PTPRD: variants seen among roughly 807,000 people sequenced by gnomAD.
PTPRD encodes protein tyrosine phosphatase receptor type D, also known as receptor-type tyrosine-protein phosphatase delta.
Under a neutral mutation model 214.5 loss-of-function variants are expected in PTPRD, and 34 were observed. The ratio of observed to expected loss-of-function variants is 0.16; its 90% CI spans 0.12 to 0.21. PTPRD has a LOEUF of 0.21. Ranked by LOEUF, PTPRD falls within the 10% of genes least tolerant of loss-of-function variation. PTPRD has a pLI of 1.00. For synonymous variants in PTPRD, 1,128 were observed against 845.7 expected, an observed-to-expected ratio of 1.33 and a Z score of -5.79; for missense variants, 2,545 against 2,398.7, an observed-to-expected ratio of 1.06 and a Z score of -1.27.
chr9:10,588,820 C>T (rs927113550), intron 2 of PTPRD, among the ~76,000 whole-genome samples: 1 of 151,844 alleles, frequency 6.6e-6, no homozygotes, highest in Non-Finnish European at 1.5e-5. Context: ...AATTGTATAC[C>T]CTACTTCAAC....
intron 9 of PTPRD, among the ~76,000 whole-genome samples, chr9:9,235,142 A>G (rs1397677138): frequency 6.6e-6 from 1 of 152,164 alleles, no homozygotes; most frequent in Non-Finnish European, 1.5e-5. Flanking sequence ...GGGTGGCGGG[A>G]GACAGAATGA....
chr9:8,540,138 G>C (rs145660264), intron 14 of PTPRD, among the ~76,000 whole-genome samples: 56 of 152,028 alleles, frequency 3.7e-4, no homozygotes, highest in African/African-American at 1.3e-3. Flanking sequence ...ATAAGATTGG[G>C]ATCATTTCAA....
In PTPRD at chr9:8,597,293, G is replaced by C. The variant is rs188010934; in HGVS notation, c.352+36024C>G. On this transcript the variant is annotated intron_variant, in intron 14 of 45. Coordinates refer to ENST00000381196, the MANE Select transcript of PTPRD (RefSeq NM_002839.4). ...GAAATGAGACAAAATATCAAGACAA[G>C]AATAAGATTGAAATATATAAATTTC... 2.1e-3 allele frequency among the ~76,000 whole-genome samples: 321 copies of C among 152,034 alleles called. 4 individuals are homozygous for C. Among genetic ancestry groups the C allele is most frequent in the Non-Finnish European group, 3.2e-3 (220 of 67,870 alleles).
chr9:9,903,062 T>C (rs1447142363), intron 5 of PTPRD, among the ~76,000 whole-genome samples: 1 of 135,440 alleles, frequency 7.4e-6, no homozygotes, highest in Non-Finnish European at 1.6e-5. Flanking sequence ...TATGTATATG[T>C]GTATTTGAGC....
chr9:9,138,872 A>T (rs2099855304), intron 10 of PTPRD, among the ~76,000 whole-genome samples: 2 of 152,180 alleles, frequency 1.3e-5, no homozygotes, highest in African/African-American at 4.8e-5. Flanking sequence ...ATTCTAGGCT[A>T]AAATTACAGT....
Position 8,874,205 on chromosome 9 carries a change from T to G in PTPRD, c.-103-140259A>C, listed in dbSNP as rs372384454. ...CGGTAATGAAACTGATGGCCCATGGTTCAGTGACTTGCCCATAACTTGCAT... is the reference window on the plus strand; with the variant it reads ...CGGTAATGAAACTGATGGCCCATGGGTCAGTGACTTGCCCATAACTTGCAT... On this transcript the variant is annotated intron_variant, in intron 11 of 45. Transcript: ENST00000381196. Among the ~76,000 whole-genome samples the G allele has an allele frequency of 2.0e-5, 3 of 152,320 alleles. No homozygotes were observed. In the East Asian group the frequency reaches 5.8e-4, roughly 29 times the overall value.
chr9:8,887,835 T>G (rs2098504371), intron 11 of PTPRD, among the ~76,000 whole-genome samples: 1 of 152,208 alleles, frequency 6.6e-6, no homozygotes, highest in African/African-American at 2.4e-5. Flanking sequence ...CTATGATTAT[T>G]TCCCCGCCAC....
intron 11 of PTPRD, among the ~76,000 whole-genome samples, chr9:8,993,622 A>T (rs1341672689): frequency 6.6e-6 from 1 of 152,126 alleles, no homozygotes; most frequent in African/African-American, 2.4e-5. Flanking sequence ...TAAGATGATT[A>T]TATTTTTCCT....
intron 7 of PTPRD, among the ~76,000 whole-genome samples, chr9:9,635,768 A>C (rs2095746196): frequency 6.6e-6 from 1 of 152,112 alleles, no homozygotes; most frequent in Non-Finnish European, 1.5e-5. Flanking sequence ...TGCTTCCTAA[A>C]ACACTCATGC....
At chr9:9,020,638 A>C (rs12378172) in intron 10 of PTPRD, among the ~76,000 whole-genome samples, 8,616 of 152,246 alleles carry the variant, frequency 0.057, 272 homozygotes, top group South Asian at 0.087. Context: ...GAATACAAGA[A>C]TTCCATTTTG....
chr9:9,077,415 T>C (rs1480022324), intron 10 of PTPRD, among the ~76,000 whole-genome samples: 3 of 144,684 alleles, frequency 2.1e-5, no homozygotes, highest in Non-Finnish European at 4.6e-5. Flanking sequence ...ATGGATCTAT[T>C]TCCTAATGTA....
chr9:9,160,473 C>A (rs1199653580), intron 10 of PTPRD, among the ~76,000 whole-genome samples: 1 of 151,974 alleles, frequency 6.6e-6, no homozygotes, highest in Non-Finnish European at 1.5e-5. Flanking sequence ...AAAATTAAAA[C>A]CAAATGAGAT....
intron 8 of PTPRD, among the ~76,000 whole-genome samples, chr9:9,452,755 A>G (rs2145367097): frequency 6.6e-6 from 1 of 151,526 alleles, no homozygotes; most frequent in South Asian, 2.1e-4. Flanking sequence ...TGAAGTTCAC[A>G]TATCCCTAAA....
chr9:9,632,775 T>C (rs1263731292), intron 7 of PTPRD, among the ~76,000 whole-genome samples: 1 of 152,100 alleles, frequency 6.6e-6, no homozygotes, highest in Non-Finnish European at 1.5e-5. Context: ...TACATAGGTA[T>C]AAATATAGAT....
chr9:8,735,005 C>A (rs1431558018), intron 11 of PTPRD, among the ~76,000 whole-genome samples: 1 of 152,054 alleles, frequency 6.6e-6, no homozygotes, highest in Non-Finnish European at 1.5e-5. Context: ...TGGAATAGGG[C>A]CTCCCAAAGG....
At chr9:9,453,517 T>C (rs1323662908) in intron 8 of PTPRD, among the ~76,000 whole-genome samples, 3 of 151,618 alleles carry the variant, frequency 2.0e-5, no homozygotes, top group Non-Finnish European at 4.4e-5. Context: ...AGATTCAAGG[T>C]TGCCTTATTA....
At chr9:10,204,180 T>C (rs990147063) in intron 3 of PTPRD, among the ~76,000 whole-genome samples, 1 of 152,182 alleles carries the variant, frequency 6.6e-6, no homozygotes, top group Non-Finnish European at 1.5e-5. Context: ...CTTCCTTGCC[T>C]TTCCCAATTA....
At chr9:8,768,745 A>G (rs1476069023) in intron 11 of PTPRD, among the ~76,000 whole-genome samples, 2 of 152,164 alleles carry the variant, frequency 1.3e-5, no homozygotes, top group African/African-American at 4.8e-5. Flanking sequence ...ATATAGTCCA[A>G]AACCCTTCAT....
chr9:10,367,004 A>C (rs1220413956), intron 2 of PTPRD, among the ~76,000 whole-genome samples: 1 of 151,802 alleles, frequency 6.6e-6, no homozygotes, highest in African/African-American at 2.4e-5. Flanking sequence ...GCTGTAATTC[A>C]CCTAGACTTA....
Sources: allele counts gnomAD v4.1 joint callset (sites outside exome capture counted in the v4.1 genomes callset), GRCh38; gene constraint gnomAD v4.1.1; transcripts MANE v1.5; gene names NCBI Gene and HGNC (gene_info 2026-07-23, HGNC 2026-07-21).